Variants in MCF2L2 observed in about 807,000 individuals in gnomAD.
MCF2L2 encodes MCF.2 cell line derived transforming sequence-like 2.
Under a neutral mutation model 150.2 loss-of-function variants are expected in MCF2L2, and 102 were observed. The observed-to-expected ratio is 0.68, with a 90% CI of 0.58 to 0.80. The LOEUF (loss-of-function observed/expected upper bound fraction) is 0.80. Ranked by LOEUF, MCF2L2 falls within the 30% of genes least tolerant of loss-of-function variation. The pLI, the probability that MCF2L2 is intolerant of heterozygous loss-of-function variation, is 0.00. For synonymous variants in MCF2L2, 465 were observed against 491.3 expected, an observed-to-expected ratio of 0.95 and a Z score of 0.71; for missense variants, 1,256 against 1,372.8, an observed-to-expected ratio of 0.91 and a Z score of 1.34.
chr3:183,194,594 G>A (rs1722020438), intron 26 of MCF2L2, among the ~76,000 whole-genome samples: 1 of 152,098 alleles, frequency 6.6e-6, no homozygotes, highest in Non-Finnish European at 1.5e-5. Flanking sequence ...CAAGAAAACA[G>A]CCAAAAGCAA....
chr3:183,424,232 A>G (rs1716046661), intron 1 of MCF2L2, among the ~76,000 whole-genome samples: 1 of 152,204 alleles, frequency 6.6e-6, no homozygotes, highest in African/African-American at 2.4e-5. Context: ...CATGGATGAA[A>G]ACACATCTAG....
chr3:183,211,957 A>G (rs994370864), intron 22 of MCF2L2, among the ~76,000 whole-genome samples: 1 of 152,190 alleles, frequency 6.6e-6, no homozygotes, highest in Admixed American at 6.5e-5. Context: ...TGCAGATACA[A>G]TTGGTTAAGA....
intron 25 of MCF2L2, among the ~76,000 whole-genome samples, chr3:183,205,464 A>G (rs1448262859): frequency 6.6e-6 from 1 of 152,226 alleles, no homozygotes; most frequent in East Asian, 1.9e-4. Flanking sequence ...TGAATAATCT[A>G]AAACCCACTG....
At chr3:183,282,345 A>AT (rs1195579841) in intron 14 of MCF2L2, among the ~76,000 whole-genome samples, 1 of 151,634 alleles carries the variant, frequency 6.6e-6, no homozygotes, top group East Asian at 1.9e-4. Flanking sequence ...CGCCCAGCTA[A>AT]TTTTTTGTAT....
intron 5 of MCF2L2, among the ~76,000 whole-genome samples, chr3:183,332,346 T>C (rs1313274826): frequency 6.6e-6 from 1 of 151,864 alleles, no homozygotes; most frequent in Non-Finnish European, 1.5e-5. Flanking sequence ...GACTGAGAGC[T>C]TTTTCAAAAG....
intron 23 of MCF2L2, among the ~76,000 whole-genome samples, chr3:183,206,983 GAGGGAGGAAGGA>G (rs1560341361): frequency 1.0e-4 from 6 of 58,858 alleles, no homozygotes; most frequent in South Asian, 7.2e-4. Context: ...GGGAGGGAGG[GAGGGAGGAAGGA>G]AGGGAGGGAG....
At chr3:183,360,576 A>G (rs941984040) in intron 3 of MCF2L2, among the ~76,000 whole-genome samples, 2 of 152,006 alleles carry the variant, frequency 1.3e-5, no homozygotes, top group Non-Finnish European at 2.9e-5. Flanking sequence ...GTCTCAAAAA[A>G]AAAAGCCATT....
In MCF2L2 at chr3:183,179,714, C is replaced by T; in HGVS notation, c.3106-22G>A. The T allele has an allele frequency of 6.3e-7, 1 of 1,590,670 alleles. No homozygotes were observed. Among genetic ancestry groups the T allele is most frequent in the East Asian group, 2.2e-5 (1 of 44,724 alleles). On this transcript the variant is annotated intron_variant, in intron 28 of 29. Coordinates refer to ENST00000328913, the MANE Select transcript of MCF2L2 (RefSeq NM_015078.4). The surrounding 1 kb of genome is among the most constrained non-coding windows in gnomAD (Gnocchi z 4.2). ...CGAGCTGGAAGGGAGGGGACGGGTG[C>T]ACCCTCAGAGTTATTGCTGGAGGCT...
chr3:183,377,729 A>C (rs1414373352), intron 3 of MCF2L2: 1 of 152,216 alleles, frequency 6.6e-6, no homozygotes, highest in African/African-American at 2.4e-5. Flanking sequence ...GTTTCATCGA[A>C]GAGATGAGGT....
At chr3:183,365,015 G>A (rs925420544) in intron 3 of MCF2L2, among the ~76,000 whole-genome samples, 1 of 152,064 alleles carries the variant, frequency 6.6e-6, no homozygotes, top group African/African-American at 2.4e-5. Flanking sequence ...TATAAAGCAA[G>A]TGTAATATTG....
In MCF2L2 at chr3:183,270,518, C is replaced by G. The variant is rs1726662831; in HGVS notation, c.1862+6354G>C. ...ATAAAAGCAGCAAATACTACGTGTC[C>G]TATGAAATGTACCAGTGGCCAGCTT... On this transcript the variant is annotated intron_variant, in intron 15 of 29. Transcript: ENST00000328913. The surrounding 1 kb of genome is among the most constrained non-coding windows in gnomAD (Gnocchi z 4.5). 6.2e-7 allele frequency: 1 copy of G among 1,614,166 alleles called. No individual in the cohort carries two copies. Among genetic ancestry groups the G allele is most frequent in the South Asian group, 1.1e-5 (1 of 91,080 alleles).
intron 16 of MCF2L2, among the ~76,000 whole-genome samples, chr3:183,230,680 A>G (rs1233097017): frequency 6.6e-6 from 1 of 152,258 alleles, no homozygotes; most frequent in Non-Finnish European, 1.5e-5. Context: ...AACACTTATA[A>G]TATCCTTTGT....
chr3:183,245,709 T>C (rs1724221206), intron 15 of MCF2L2, among the ~76,000 whole-genome samples: 1 of 152,156 alleles, frequency 6.6e-6, no homozygotes, highest in South Asian at 2.1e-4. Context: ...GATTATAAAA[T>C]AAATTCCTAG....
At chr3:183,275,697 T>A (rs980813193) in intron 15 of MCF2L2, among the ~76,000 whole-genome samples, 1 of 152,194 alleles carries the variant, frequency 6.6e-6, no homozygotes, top group South Asian at 2.1e-4. Flanking sequence ...CACTGCAGAC[T>A]TAGCTTCCTG....
intron 21 of MCF2L2, among the ~76,000 whole-genome samples, chr3:183,216,415 A>C (rs1170441751): frequency 7.0e-6 from 1 of 142,626 alleles, no homozygotes; most frequent in Non-Finnish European, 1.5e-5. Flanking sequence ...TATGTTTCTT[A>C]TGTGTATATA....
intron 1 of MCF2L2, among the ~76,000 whole-genome samples, chr3:183,392,483 T>C (rs968067379): frequency 6.6e-6 from 1 of 152,220 alleles, no homozygotes; most frequent in Non-Finnish European, 1.5e-5. Context: ...CCTGTGGCTA[T>C]CAAATGAACA....
chr3:183,276,920 T>C lies in MCF2L2; in HGVS notation c.1814A>G (p.Asn605Ser), dbSNP rs886601810. 3.6e-5 allele frequency: 58 copies of C among 1,610,602 alleles called. No individual in the cohort carries two copies. The highest frequency in any genetic ancestry group is 4.9e-5 in the Non-Finnish European group (58 of 1,178,356). Residue 605 changes from asparagine (N) to serine (S), a missense_variant, in exon 15 of 30, where the codon AAC becomes AGC. Asn to Ser is a conservative substitution (Grantham distance 46). Transcript: ENST00000328913. ...CCTGGCCTGCTGCTCCAGCTCAGGG[T>C]TCCCCCTTTCATGATGGCTTTCAAA... is the stretch of plus-strand genomic sequence containing the variant. ...EIFESHHERGNPELEQQARLG... is the reference protein window; with the variant it reads ...EIFESHHERGSPELEQQARLG...
chr3:183,366,040 G>C lies in MCF2L2; in HGVS notation c.275+13257C>G, dbSNP rs563858296. 7.9e-5 allele frequency among the ~76,000 whole-genome samples: 12 copies of C among 152,032 alleles called. No homozygotes were observed. The South Asian group carries it at 2.1e-3, about 26-fold the overall frequency. Reference sequence around the variant, plus strand: ...AGAAACAGAAAATAGAGTTGAAGGGGAGAAATACTCAAAGAAACAATAGTG... The same window carrying C: ...AGAAACAGAAAATAGAGTTGAAGGGCAGAAATACTCAAAGAAACAATAGTG... On this transcript the variant is annotated intron_variant, in intron 3 of 29. Transcript: ENST00000328913.
At chr3:183,272,481 A>C (rs1358888981) in intron 15 of MCF2L2, 1 of 998,756 alleles carries the variant, frequency 1.0e-6, no homozygotes, top group East Asian at 1.1e-4. Context: ...TGATACTTAC[A>C]ATTTTTAGCA....
Sources: gnomAD v4.1 joint callset for allele counts (sites outside exome capture counted in the v4.1 genomes callset) on GRCh38, gnomAD v4.1.1 for gene constraint, Gnocchi (gnomAD v3.1) non-coding constraint, MANE v1.5 for transcripts, NCBI Gene and HGNC (gene_info 2026-07-23, HGNC 2026-07-21) for gene names.